NET1: variants seen among roughly 807,000 people sequenced by gnomAD.
NET1 encodes neuroepithelial cell-transforming gene 1 protein.
NET1 carries 42 observed loss-of-function variants against 61.1 expected under a neutral mutation model. The ratio of observed to expected loss-of-function variants is 0.69; its 90% CI spans 0.54 to 0.89. NET1 has a LOEUF of 0.89. Ranked by LOEUF, NET1 falls within the 40% of genes least tolerant of loss-of-function variation. The pLI, the probability that NET1 is intolerant of heterozygous loss-of-function variation, is 0.00. For synonymous variants in NET1, 254 were observed against 281.8 expected, an observed-to-expected ratio of 0.90 and a Z score of 0.99; for missense variants, 654 against 747.3, an observed-to-expected ratio of 0.88 and a Z score of 1.46.
chr10:5,423,871 A>T lies in NET1; in HGVS notation c.129-2784A>T, dbSNP rs745432050. On this transcript the variant is annotated intron_variant, in intron 1 of 11. Coordinates refer to ENST00000355029, the MANE Select transcript of NET1 (RefSeq NM_001047160.3). The surrounding 1 kb of genome is among the most constrained non-coding windows in gnomAD (Gnocchi z 4.4). ...GCACTGTCTCACATCCTTTGTGGGC[A>T]CGGTTTGTTTTTTGGGTTCCTTTTT... Among the ~76,000 whole-genome samples the T allele has an allele frequency of 6.6e-6, 1 of 152,044 alleles. No homozygotes were observed. Among genetic ancestry groups the T allele is most frequent in the Non-Finnish European group, 1.5e-5 (1 of 68,004 alleles).
rs1333802782 is a variant in NET1 at position 5,447,204 on chromosome 10, G to T, written c.256-4626G>T. On this transcript the variant is annotated intron_variant, in intron 3 of 11. Coordinates refer to ENST00000355029, the MANE Select transcript of NET1 (RefSeq NM_001047160.3). The surrounding 1 kb of genome is among the most constrained non-coding windows in gnomAD (Gnocchi z 4.1). ...CAGTCTTAGAAACTACCTTAATGGA[G>T]CAAGAGGAAAAGAATCCCGTTCTTG... Among the ~76,000 whole-genome samples, 1 of 152,212 alleles carries T rather than the reference G, an allele frequency of 6.6e-6. No individual in the cohort carries two copies. The highest frequency in any genetic ancestry group is 2.4e-5 in the African/African-American group (1 of 41,456).
chr10:5,442,445 A>T (rs1379352062), intron 3 of NET1, among the ~76,000 whole-genome samples: 1 of 152,232 alleles, frequency 6.6e-6, no homozygotes, highest in Non-Finnish European at 1.5e-5. Flanking sequence ...AGGGGAGAAC[A>T]AGTAACCTAA....
At chr10:5,436,176 T>A in intron 3 of NET1, among the ~76,000 whole-genome samples, 1 of 81,384 alleles carries the variant, frequency 1.2e-5, no homozygotes, top group East Asian at 3.9e-4. Context: ...TGTGTGTGTG[T>A]GTGTGTGTGT....
chr10:5,435,827 GACTT>G lies in NET1; in HGVS notation c.255+6603_255+6606del. Among the ~76,000 whole-genome samples the G allele has an allele frequency of 1.3e-5, 2 of 152,174 alleles. No homozygotes were observed. Among genetic ancestry groups the G allele is most frequent in the Middle Eastern group, 3.4e-3 (1 of 294 alleles). ...AATTTCAGCCTTGTCTTACTAGGCT[GACTT>G]ACTTCTGTATTATATATACAATTAT... On this transcript the variant is annotated intron_variant, in intron 3 of 11. Transcript: ENST00000355029. This position sits in a 1 kb window ranked among gnomAD's most constrained non-coding sequence, Gnocchi z 5.0.
Position 5,456,715 on chromosome 10 carries a change from G to C in NET1, c.1512G>C (p.Gln504His). The C allele has an allele frequency of 6.2e-7, 1 of 1,614,186 alleles. No individual in the cohort carries two copies. Among genetic ancestry groups the C allele is most frequent in the Non-Finnish European group, 8.5e-7 (1 of 1,180,030 alleles). The change falls in exon 12 of 12, where the codon CAG becomes CAC. Residue 504 changes from glutamine (Q) to histidine (H), a missense_variant. By Grantham distance (24) the Gln-to-His change is conservative. Transcript: ENST00000355029. This position sits in a 1 kb window ranked among gnomAD's most constrained non-coding sequence, Gnocchi z 7.0. ...TTCGAGCGGCCATTGCCCCCTTCCA[G>C]TCGGCAGGCAGTCCACCTGAGCTGC... is the stretch of plus-strand genomic sequence containing the variant. ...NCIRAAIAPF[Q>H]SAGSPPELQG...
Position 5,440,529 on chromosome 10 carries a change from C to T in NET1, c.255+11300C>T, listed in dbSNP as rs1404151830. Among the ~76,000 whole-genome samples, 2 of 152,162 alleles carry T rather than the reference C, an allele frequency of 1.3e-5. No individual in the cohort carries two copies. Among genetic ancestry groups the T allele is most frequent in the Non-Finnish European group, 2.9e-5 (2 of 68,028 alleles). The stretch of plus-strand genomic sequence containing the variant: ...AAACAGAATGAGGATCTAGTGGAGA[C>T]TATCACTTGTGCAGTCCGTAACTCT... On this transcript the variant is annotated intron_variant, in intron 3 of 11. Coordinates refer to ENST00000355029, the MANE Select transcript of NET1 (RefSeq NM_001047160.3). The surrounding 1 kb of genome is among the most constrained non-coding windows in gnomAD (Gnocchi z 4.1).
At position 5,417,275 on chromosome 10, in the gene NET1, G is replaced by A. The variant is rs1001019563; in HGVS notation, c.128+4455G>A. On this transcript the variant is annotated intron_variant, in intron 1 of 11. Coordinates refer to ENST00000355029, the MANE Select transcript of NET1 (RefSeq NM_001047160.3). The surrounding 1 kb of genome is among the most constrained non-coding windows in gnomAD (Gnocchi z 5.5). The stretch of plus-strand genomic sequence containing the variant: ...GGTTTTTATAGGCACAGGTGGGGGC[G>A]TGCTTTTATAGGCACAGGATGGGGG... Among the ~76,000 whole-genome samples the A allele has an allele frequency of 3.3e-5, 5 of 152,074 alleles. No individual in the cohort carries two copies. The highest frequency in any genetic ancestry group is 2.1e-4 in the South Asian group (1 of 4,786).
chr10:5,446,812 C>T lies in NET1; in HGVS notation c.256-5018C>T, dbSNP rs749244313. On this transcript the variant is annotated intron_variant, in intron 3 of 11. Coordinates refer to ENST00000355029, the MANE Select transcript of NET1 (RefSeq NM_001047160.3). This position sits in a 1 kb window ranked among gnomAD's most constrained non-coding sequence, Gnocchi z 5.0. ...GGAGGTCTCCTACCTATTAAAAGGA[C>T]CATACGAGTCCTAGATGTCAATAAC... 13 of 1,611,630 alleles carry T rather than the reference C, an allele frequency of 8.1e-6. No individual in the cohort carries two copies. Among genetic ancestry groups the T allele is most frequent in the Admixed American group, 3.3e-5 (2 of 59,848 alleles).
At position 5,415,915 on chromosome 10, in the gene NET1, A is replaced by G. The variant is rs1832074920; in HGVS notation, c.128+3095A>G. Among the ~76,000 whole-genome samples, 1 of 152,032 alleles carries G rather than the reference A, an allele frequency of 6.6e-6. No homozygotes were observed. Among genetic ancestry groups the G allele is most frequent in the African/African-American group, 2.4e-5 (1 of 41,376 alleles). ...TTTTAGTTTGTAGTCCTACTTGTCT[A>G]TTTTTGCTTTTGTTGCCTGTGTTTT... On this transcript the variant is annotated intron_variant, in intron 1 of 11. Coordinates refer to ENST00000355029, the MANE Select transcript of NET1 (RefSeq NM_001047160.3). This position sits in a 1 kb window ranked among gnomAD's most constrained non-coding sequence, Gnocchi z 4.7.
At position 5,444,559 on chromosome 10, in the gene NET1, T is replaced by C. The variant is rs184091959; in HGVS notation, c.256-7271T>C. ...TTTTTCATACCCTCCTTAACCTCTT[T>C]GCTGTAATTAACATTTTTTTCTTCC... On this transcript the variant is annotated intron_variant, in intron 3 of 11. Transcript: ENST00000355029. This position sits in a 1 kb window ranked among gnomAD's most constrained non-coding sequence, Gnocchi z 5.3. Among the ~76,000 whole-genome samples the C allele has an allele frequency of 1.5e-3, 226 of 152,308 alleles. 1 individual carries two copies. The highest frequency in any genetic ancestry group is 4.9e-3 in the African/African-American group (204 of 41,564).
At chr10:5,442,756 G>A (rs184504690) in intron 3 of NET1, among the ~76,000 whole-genome samples, 6 of 151,896 alleles carry the variant, frequency 4.0e-5, no homozygotes, top group South Asian at 2.1e-4. Context: ...TTAGCCAGGC[G>A]TGATGGCACA....
At chr10:5,436,877 A>T (rs1207001760) in intron 3 of NET1, among the ~76,000 whole-genome samples, 2 of 152,218 alleles carry the variant, frequency 1.3e-5, no homozygotes, top group African/African-American at 4.8e-5. Flanking sequence ...TGGTTGCCTT[A>T]TAAGATAATA....
rs1588436843 is a variant in NET1 at position 5,446,941 on chromosome 10, A to C, written c.256-4889A>C. On this transcript the variant is annotated intron_variant, in intron 3 of 11. Transcript: ENST00000355029. The surrounding 1 kb of genome is among the most constrained non-coding windows in gnomAD (Gnocchi z 5.0). Reference sequence around the variant, plus strand: ...TTAAAATTTTTAACAAGGTATTAACAGTATAATTTTAAACTTTTGATCTTA... The same window carrying C: ...TTAAAATTTTTAACAAGGTATTAACCGTATAATTTTAAACTTTTGATCTTA... The C allele has an allele frequency of 6.4e-6, 7 of 1,091,244 alleles. No individual in the cohort carries two copies. The East Asian group carries it at 1.8e-4, about 28-fold the overall frequency. The allele number at this position is 1,091,244 out of a possible 1,614,324, so 67.6% of individuals were successfully genotyped here. A position where few individuals can be genotyped will look rare whatever the true frequency, so the allele number is the denominator to read the frequency against.
rs1832561937 is a variant in NET1 at position 5,443,808 on chromosome 10, C to T, written c.256-8022C>T. 6.6e-6 allele frequency among the ~76,000 whole-genome samples: 1 copy of T among 152,130 alleles called. No homozygotes were observed. Among genetic ancestry groups the T allele is most frequent in the Non-Finnish European group, 1.5e-5 (1 of 68,030 alleles). On this transcript the variant is annotated intron_variant, in intron 3 of 11. Coordinates refer to ENST00000355029, the MANE Select transcript of NET1 (RefSeq NM_001047160.3). This position sits in a 1 kb window ranked among gnomAD's most constrained non-coding sequence, Gnocchi z 4.8. Reference sequence around the variant, plus strand: ...GCTGAAGGAGAGAATGAAAGATACCCCTTCTCATTATCTTGGCTCATTTCT... The same window carrying T: ...GCTGAAGGAGAGAATGAAAGATACCTCTTCTCATTATCTTGGCTCATTTCT...
intron 3 of NET1, among the ~76,000 whole-genome samples, chr10:5,436,212 G>GCATATATATATA (rs1235515365): frequency 1.3e-5 from 1 of 76,004 alleles, no homozygotes. Flanking sequence ...GTGTGTGTGT[G>GCATATATATATA]TGTGTGTGTG....
rs1245942417 is a variant in NET1 at position 5,424,421 on chromosome 10, T to C, written c.129-2234T>C. 6.6e-6 allele frequency among the ~76,000 whole-genome samples: 1 copy of C among 152,214 alleles called. No homozygotes were observed. Among genetic ancestry groups the C allele is most frequent in the East Asian group, 1.9e-4 (1 of 5,196 alleles). On this transcript the variant is annotated intron_variant, in intron 1 of 11. Transcript: ENST00000355029. The surrounding 1 kb of genome is among the most constrained non-coding windows in gnomAD (Gnocchi z 6.1). ...TCTTTCCATAATATTTTACCATTTGTTTATGATAGTAATCCTATGTATTTC... is the reference window on the plus strand; with the variant it reads ...TCTTTCCATAATATTTTACCATTTGCTTATGATAGTAATCCTATGTATTTC...
In NET1 at chr10:5,440,193, CG is replaced by C. The variant is rs889614349; in HGVS notation, c.255+10966del. On this transcript the variant is annotated intron_variant, in intron 3 of 11. Coordinates refer to ENST00000355029, the MANE Select transcript of NET1 (RefSeq NM_001047160.3). This position sits in a 1 kb window ranked among gnomAD's most constrained non-coding sequence, Gnocchi z 4.1. Reference sequence around the variant, plus strand: ...CCTGTATGATGTTCTGTGAAATATCCGGTCCTTGCCGACTTTGTGACAGAAA... The same window carrying C: ...CCTGTATGATGTTCTGTGAAATATCCGTCCTTGCCGACTTTGTGACAGAAA... Among the ~76,000 whole-genome samples the C allele has an allele frequency of 6.6e-6, 1 of 152,198 alleles. No homozygotes were observed. Among genetic ancestry groups the C allele is most frequent in the Non-Finnish European group, 1.5e-5 (1 of 68,040 alleles).
rs1238692487 is a variant in NET1 at position 5,444,233 on chromosome 10, G to A, written c.256-7597G>A. Among the ~76,000 whole-genome samples, 1 of 152,174 alleles carries A rather than the reference G, an allele frequency of 6.6e-6. No homozygotes were observed. Among genetic ancestry groups the A allele is most frequent in the Non-Finnish European group, 1.5e-5 (1 of 68,038 alleles). On this transcript the variant is annotated intron_variant, in intron 3 of 11. Coordinates refer to ENST00000355029, the MANE Select transcript of NET1 (RefSeq NM_001047160.3). This position sits in a 1 kb window ranked among gnomAD's most constrained non-coding sequence, Gnocchi z 5.3. ...GGACAATAGAGTAGATGATGAAACAGAGCCAATCTCCATTACTTTAAAAAA... is the reference window on the plus strand; with the variant it reads ...GGACAATAGAGTAGATGATGAAACAAAGCCAATCTCCATTACTTTAAAAAA...
Position 5,427,369 on chromosome 10 carries a change from T to C in NET1, c.195+648T>C, listed in dbSNP as rs1832273333. Among the ~76,000 whole-genome samples the C allele has an allele frequency of 6.6e-6, 1 of 152,166 alleles. No individual in the cohort carries two copies. The highest frequency in any genetic ancestry group is 6.5e-5 in the Admixed American group (1 of 15,274). On this transcript the variant is annotated intron_variant, in intron 2 of 11. Coordinates refer to ENST00000355029, the MANE Select transcript of NET1 (RefSeq NM_001047160.3). This position sits in a 1 kb window ranked among gnomAD's most constrained non-coding sequence, Gnocchi z 4.1. ...ATATAAATGCATAAGTATGATCATATATGTGCTTTTTTCCCCTTAGTACAG... is the reference window on the plus strand; with the variant it reads ...ATATAAATGCATAAGTATGATCATACATGTGCTTTTTTCCCCTTAGTACAG...
Sources: gnomAD v4.1 joint callset for allele counts (sites outside exome capture counted in the v4.1 genomes callset) on GRCh38, gnomAD v4.1.1 for gene constraint, Gnocchi (gnomAD v3.1) non-coding constraint, MANE v1.5 for transcripts, NCBI Gene and HGNC (gene_info 2026-07-23, HGNC 2026-07-21) for gene names.